Variants in KIAA0825 observed in about 807,000 individuals in gnomAD.
KIAA0825 encodes the protein uncharacterized protein KIAA0825.
KIAA0825 carries 119 observed loss-of-function variants against 147.6 expected under a neutral mutation model. The observed-to-expected ratio is 0.81, with a 90% confidence interval of 0.69 to 0.94. KIAA0825 has a LOEUF of 0.94. KIAA0825 is among the 40% of genes least tolerant of loss of function. The pLI is 0.00. For missense variants in KIAA0825, 1,381 were observed against 1,472.7 expected, an observed-to-expected ratio of 0.94 and a Z score of 1.02; for synonymous variants, 470 against 518.1, an observed-to-expected ratio of 0.91 and a Z score of 1.26.
chr5:94,344,783 A>C (rs1441210809), intron 20 of KIAA0825, among the ~76,000 whole-genome samples: 1 of 152,232 alleles, frequency 6.6e-6, no homozygotes, highest in East Asian at 1.9e-4. Flanking sequence ...TACCTTGAAG[A>C]TATCATGCTG....
chr5:94,200,570 G>A (rs534623826), intron 20 of KIAA0825, among the ~76,000 whole-genome samples: 2 of 151,112 alleles, frequency 1.3e-5, no homozygotes, highest in Admixed American at 6.6e-5. Flanking sequence ...CTAGGCAAAA[G>A]GAAATAGGAA....
intron 20 of KIAA0825, among the ~76,000 whole-genome samples, chr5:94,178,528 T>C (rs1769317134): frequency 6.6e-6 from 1 of 152,000 alleles, no homozygotes; most frequent in Non-Finnish European, 1.5e-5. Context: ...TTAATTTTGA[T>C]TTCTCTCTCA....
intron 20 of KIAA0825, among the ~76,000 whole-genome samples, chr5:94,250,558 T>C (rs1345467744): frequency 2.0e-5 from 3 of 152,066 alleles, no homozygotes; most frequent in African/African-American, 7.2e-5. Flanking sequence ...TATCATGAAA[T>C]AACCTTGGTT....
intron 20 of KIAA0825, among the ~76,000 whole-genome samples, chr5:94,356,927 G>A (rs1784347727): frequency 6.6e-6 from 1 of 151,762 alleles, no homozygotes; most frequent in African/African-American, 2.4e-5. Context: ...GTTTCACCAC[G>A]TTGGCCAGTA....
At chr5:94,486,646 T>C (rs190633240) in intron 5 of KIAA0825, among the ~76,000 whole-genome samples, 14 of 152,266 alleles carry the variant, frequency 9.2e-5, no homozygotes, top group East Asian at 7.7e-4. Context: ...ACTGTTCTTC[T>C]ATGGGCATGT....
chr5:94,272,779 G>C (rs1195229315), intron 20 of KIAA0825, among the ~76,000 whole-genome samples: 1 of 152,168 alleles, frequency 6.6e-6, no homozygotes, highest in East Asian at 1.9e-4. Flanking sequence ...AGAAATGTTT[G>C]TGTTTCTTGC....
intron 20 of KIAA0825, among the ~76,000 whole-genome samples, chr5:94,214,551 G>A (rs957072922): frequency 6.6e-6 from 1 of 152,084 alleles, no homozygotes; most frequent in Non-Finnish European, 1.5e-5. Flanking sequence ...AGTGGCCCCA[G>A]GGCTTGTACT....
At chr5:94,492,695 C>T (rs370445625) in intron 5 of KIAA0825, among the ~76,000 whole-genome samples, 1 of 152,300 alleles carries the variant, frequency 6.6e-6, no homozygotes, top group East Asian at 1.9e-4. Flanking sequence ...AATTGGCTTT[C>T]TCCCCCTCCA....
chr5:94,184,636 C>T (rs180901663), intron 20 of KIAA0825, among the ~76,000 whole-genome samples: 55 of 152,256 alleles, frequency 3.6e-4, no homozygotes, highest in African/African-American at 1.2e-3. Context: ...AACTTATGCA[C>T]AGGTTTTGTG....
In KIAA0825 at chr5:94,154,051, T is replaced by C; in HGVS notation, c.3784A>G (p.Thr1262Ala). 7.1e-6 allele frequency: 11 copies of C among 1,551,650 alleles called. No individual in the cohort carries two copies. Among genetic ancestry groups the C allele is most frequent in the Middle Eastern group, 1.7e-4 (1 of 5,992 alleles). The change falls in exon 21 of 21, where the codon ACC becomes GCC. Residue 1262 changes from threonine (T) to alanine (A), a missense_variant. Coordinates refer to ENST00000682413, the MANE Select transcript of KIAA0825 (RefSeq NM_001145678.3). ...TCTGAGGCAGAAGAGTTCTGTGGGG[T>C]GCAAATTTGTTTTAAGTGCTCCAGT... The part of the protein sequence containing the change: ...AILEHLKQIC[T>A]PQNSSASDNI...
At chr5:94,193,161 GT>G (rs1770829035) in intron 20 of KIAA0825, among the ~76,000 whole-genome samples, 2 of 152,242 alleles carry the variant, frequency 1.3e-5, no homozygotes, top group Non-Finnish European at 2.9e-5. Context: ...CCTTCATCCT[GT>G]TCCTGACTGT....
chr5:94,516,516 A>G (rs894766164), intron 5 of KIAA0825, among the ~76,000 whole-genome samples: 2 of 152,218 alleles, frequency 1.3e-5, no homozygotes, highest in African/African-American at 4.8e-5. Context: ...TAAAAAAGAA[A>G]ACGTGGGCCG....
intron 12 of KIAA0825, among the ~76,000 whole-genome samples, chr5:94,457,830 G>C (rs149711042): frequency 6.6e-6 from 1 of 152,126 alleles, no homozygotes; most frequent in African/African-American, 2.4e-5. Context: ...CTCATAATAC[G>C]ATGTTAATGG....
chr5:94,410,404 C>A (rs1752612672), intron 15 of KIAA0825, among the ~76,000 whole-genome samples: 1 of 151,966 alleles, frequency 6.6e-6, no homozygotes, highest in Non-Finnish European at 1.5e-5. Context: ...TGAAGTGGGG[C>A]TGGCAAAAGA....
At chr5:94,335,010 T>C (rs1002629140) in intron 20 of KIAA0825, among the ~76,000 whole-genome samples, 11 of 152,184 alleles carry the variant, frequency 7.2e-5, no homozygotes, top group Non-Finnish European at 1.0e-4. Context: ...TTAAACTGAA[T>C]AAAACCAGGA....
At chr5:94,425,357 C>T (rs574207552) in intron 14 of KIAA0825, among the ~76,000 whole-genome samples, 31 of 152,308 alleles carry the variant, frequency 2.0e-4, no homozygotes, top group African/African-American at 7.5e-4. Flanking sequence ...CCTGATACAT[C>T]ACATCAGCAG....
intron 1 of KIAA0825, among the ~76,000 whole-genome samples, chr5:94,591,839 A>T (rs1004648997): frequency 3.9e-5 from 6 of 152,166 alleles, no homozygotes; most frequent in African/African-American, 9.7e-5. Context: ...AAGCAAAGGC[A>T]TATATTACAT....
chr5:94,603,472 C>T (rs921081110), intron 1 of KIAA0825, among the ~76,000 whole-genome samples: 1 of 152,146 alleles, frequency 6.6e-6, no homozygotes, highest in Non-Finnish European at 1.5e-5. Flanking sequence ...TACAAAAACA[C>T]ACTAACGTAC....
At chr5:94,517,763 G>A (rs981646316) in intron 5 of KIAA0825, among the ~76,000 whole-genome samples, 2 of 150,212 alleles carry the variant, frequency 1.3e-5, no homozygotes, top group African/African-American at 4.9e-5. Flanking sequence ...GTTTGGAGAA[G>A]AAGAAAACAA....
Sources: allele counts gnomAD v4.1 joint callset (sites outside exome capture counted in the v4.1 genomes callset), GRCh38; gene constraint gnomAD v4.1.1; transcripts MANE v1.5; gene names NCBI Gene and HGNC (gene_info 2026-07-23, HGNC 2026-07-21).